Variants in CNTLN observed in about 807,000 individuals in gnomAD.
The protein encoded by CNTLN is centlein, centrosomal protein.
CNTLN carries 212 observed loss-of-function variants against 180.0 expected under a neutral mutation model. The observed-to-expected ratio is 1.18, with a 90% CI of 1.05 to 1.32. CNTLN has a LOEUF of 1.32. Among genes scored for constraint, CNTLN ranks in the 40% most tolerant of loss-of-function variants. The probability of loss-of-function intolerance (pLI) is 0.00; values close to 1 mark genes in which losing one functional copy is unlikely to be tolerated. For synonymous variants in CNTLN, 722 were observed against 563.1 expected (o/e 1.28, Z -3.99); for missense variants, 2,095 against 1,610.9 (o/e 1.30, Z -5.14).
chr9:17,483,377 G>T lies in CNTLN; in HGVS notation c.3856-918G>T, dbSNP rs148177665. ...GGAGATATATATTAGTGCTATCTTG[G>T]ATGGAGAACAGGGATAGAATTAAGT... On this transcript the variant is annotated intron_variant, in intron 23 of 25. Transcript: ENST00000380647. Among the ~76,000 whole-genome samples, 1,168 of 152,198 alleles carry T rather than the reference G, an allele frequency of 7.7e-3. 7 individuals carry two copies. Among genetic ancestry groups the T allele is most frequent in the Non-Finnish European group, 0.013 (908 of 67,978 alleles).
intron 5 of CNTLN, among the ~76,000 whole-genome samples, chr9:17,237,021 G>A (rs1825187990): frequency 6.6e-6 from 1 of 151,914 alleles, no homozygotes; most frequent in Admixed American, 6.6e-5. Context: ...TTCTATGGTG[G>A]TGCTTTCTTT....
intron 5 of CNTLN, among the ~76,000 whole-genome samples, chr9:17,266,591 C>T (rs1587410833): frequency 6.6e-6 from 1 of 151,956 alleles, no homozygotes; most frequent in Admixed American, 6.6e-5. Context: ...CCTGGGTATC[C>T]TTGTTAACTT....
In CNTLN at chr9:17,155,015, A is replaced by G. The variant is rs146853739; in HGVS notation, c.449+11639A>G. 9.8e-5 allele frequency among the ~76,000 whole-genome samples: 15 copies of G among 152,322 alleles called. No homozygotes were observed. The East Asian group carries it at 2.9e-3, about 29-fold the overall frequency. On this transcript the variant is annotated intron_variant, in intron 2 of 25. Transcript: ENST00000380647. The stretch of plus-strand genomic sequence containing the variant: ...CACTCCTGAAGTCAGCAAGACCACG[A>G]ACCACTGGGAGGAACAGACGACTCT...
At chr9:17,487,114 C>T (rs373623434) in intron 25 of CNTLN, 48 bp downstream of exon 25, 1 of 1,266,426 alleles carries the variant, frequency 7.9e-7, no homozygotes. Context: ...ATAAGAATTC[C>T]AAGCCTTACA....
intron 2 of CNTLN, among the ~76,000 whole-genome samples, chr9:17,176,653 A>C (rs571529973): frequency 1.3e-5 from 2 of 152,286 alleles, no homozygotes; most frequent in African/African-American, 4.8e-5. Flanking sequence ...AATTGTGTAG[A>C]GTTGATGTTA....
intron 15 of CNTLN, among the ~76,000 whole-genome samples, chr9:17,407,614 T>G (rs897303381): frequency 6.6e-6 from 1 of 152,190 alleles, no homozygotes; most frequent in African/African-American, 2.4e-5. Flanking sequence ...GCTTTAATAG[T>G]TGTCTGGGTG....
At position 17,502,560 on chromosome 9, in the gene CNTLN, G is replaced by T; in HGVS notation, c.4129G>T (p.Ala1377Ser). The T allele has an allele frequency of 7.3e-7, 1 of 1,378,154 alleles. No homozygotes were observed. The highest frequency in any genetic ancestry group is 2.4e-5 in the Admixed American group (1 of 40,992). The allele number at this position is 1,378,154 out of a possible 1,614,324, so 85.4% of individuals were successfully genotyped here. ...TGTGTTTCTTTTACAGCTTCCTTTT[G>T]CCTCATATTTACTAGAAGCAGTACT... ...QKLLEGQLPF[A>S]SYLLEAVLEK... The change falls in exon 26 of 26, where the codon GCC becomes TCC. Residue 1377 changes from alanine to serine, a missense_variant. By Grantham distance (99) the Ala-to-Ser change is moderately conservative. Coordinates refer to ENST00000380647, the MANE Select transcript of CNTLN (RefSeq NM_017738.4).
rs1365165706 is a variant in CNTLN at position 17,410,658 on chromosome 9, A to G, written c.2796+1185A>G. On this transcript the variant is annotated intron_variant, in intron 16 of 25. Coordinates refer to ENST00000380647, the MANE Select transcript of CNTLN (RefSeq NM_017738.4). ...GCTACCTTCCATGTTGTCTTTTCCT[A>G]TATTTTTCTGATTTCCTATATTTTT... Among the ~76,000 whole-genome samples, 3 of 152,008 alleles carry G rather than the reference A, an allele frequency of 2.0e-5. 1 individual carries two copies. The highest frequency in any genetic ancestry group is 2.1e-4 in the South Asian group (1 of 4,822).
intron 5 of CNTLN, among the ~76,000 whole-genome samples, chr9:17,255,345 G>A (rs1826408894): frequency 6.6e-6 from 1 of 151,690 alleles, no homozygotes; most frequent in Non-Finnish European, 1.5e-5. Context: ...CCTTTGTTAT[G>A]TTGAAGTAGC....
At chr9:17,228,006 T>A (rs574389122) in intron 3 of CNTLN, among the ~76,000 whole-genome samples, 16 of 152,044 alleles carry the variant, frequency 1.1e-4, no homozygotes, top group African/African-American at 3.6e-4. Flanking sequence ...TGTATTTACA[T>A]TTTACTGGAA....
intron 8 of CNTLN, among the ~76,000 whole-genome samples, chr9:17,313,916 C>T (rs571588307): frequency 1.3e-5 from 2 of 152,250 alleles, no homozygotes; most frequent in South Asian, 4.1e-4. Flanking sequence ...CCTGCCTCAG[C>T]CTTCCAAGTG....
chr9:17,364,606 T>G (rs963632313), intron 12 of CNTLN, among the ~76,000 whole-genome samples: 9 of 152,210 alleles, frequency 5.9e-5, no homozygotes, highest in African/African-American at 2.2e-4. Context: ...ATTTTATTGT[T>G]TTACATTATC....
intron 6 of CNTLN, among the ~76,000 whole-genome samples, chr9:17,282,641 T>G (rs593552): frequency 6.6e-6 from 1 of 152,086 alleles, no homozygotes; most frequent in Non-Finnish European, 1.5e-5. Context: ...TTTGATGTTT[T>G]TGTCATGAAA....
At chr9:17,517,751 T>C in the CNTLN span, among the ~76,000 whole-genome samples, 4 of 152,246 alleles carry the variant, frequency 2.6e-5, no homozygotes, top group Admixed American at 2.6e-4. Flanking sequence ...CTCCAGCCTC[T>C]AGAAGTGTGA....
chr9:17,283,498 T>G (rs989568631), intron 6 of CNTLN, among the ~76,000 whole-genome samples: 15 of 152,172 alleles, frequency 9.9e-5, no homozygotes, highest in African/African-American at 3.6e-4. Context: ...GCTTTTGGGC[T>G]GTGATGATGG....
intron 2 of CNTLN, among the ~76,000 whole-genome samples, chr9:17,165,195 C>T (rs1388245995): frequency 6.6e-6 from 1 of 152,050 alleles, no homozygotes; most frequent in Non-Finnish European, 1.5e-5. Flanking sequence ...ACCTTTGATC[C>T]CATGTATTGA....
At chr9:17,262,120 G>T (rs1827034275) in intron 5 of CNTLN, among the ~76,000 whole-genome samples, 1 of 151,602 alleles carries the variant, frequency 6.6e-6, no homozygotes, top group Non-Finnish European at 1.5e-5. Context: ...CTTTTACACT[G>T]ATGGTGGGAG....
rs142789989 is a variant in CNTLN at position 17,458,250 on chromosome 9, C to T, written c.3306+535C>T. 2.6e-4 allele frequency among the ~76,000 whole-genome samples: 40 copies of T among 151,186 alleles called. No homozygotes were observed. In the East Asian group the frequency reaches 6.2e-3, roughly 23 times the overall value. On this transcript the variant is annotated intron_variant, in intron 19 of 25. Transcript: ENST00000380647. ...AAAAAAAAAAGAATCTAAGACCAAG[C>T]GAAACTGTCAGCAACTTAAAAGTAA...
intron 2 of CNTLN, among the ~76,000 whole-genome samples, chr9:17,204,470 A>G (rs945778534): frequency 1.3e-5 from 2 of 152,118 alleles, no homozygotes; most frequent in African/African-American, 4.8e-5. Context: ...GGTCCAGTCC[A>G]GACCCTGCTT....
Sources: allele counts gnomAD v4.1 joint callset (sites outside exome capture counted in the v4.1 genomes callset), GRCh38; gene constraint gnomAD v4.1.1; transcripts MANE v1.5; gene names NCBI Gene and HGNC (gene_info 2026-07-23, HGNC 2026-07-21).